Variants in INPP5A observed in about 807,000 individuals in gnomAD.
INPP5A encodes the protein inositol polyphosphate-5-phosphatase A, also known as 43 kDa inositol polyphosphate 5-phophatase.
A neutral mutation model predicts 65.2 loss-of-function variants in INPP5A; 14 were observed. The ratio of observed to expected loss-of-function variants is 0.21; its 90% CI spans 0.14 to 0.34. The LOEUF is 0.34. Ranked by LOEUF, INPP5A falls within the 10% of genes least tolerant of loss-of-function variation. INPP5A has a pLI of 1.00. For synonymous variants in INPP5A, 207 were observed against 208.3 expected (o/e 0.99, Z 0.05); for missense variants, 431 against 545.6 (o/e 0.79, Z 2.09).
intron 14 of INPP5A, among the ~76,000 whole-genome samples, chr10:132,781,505 A>C (rs1048865229): frequency 2.0e-5 from 3 of 152,268 alleles, no homozygotes; most frequent in Non-Finnish European, 4.4e-5. Context: ...TGGACCTGCC[A>C]GGTGCGGCAG....
At chr10:132,584,176 G>T (rs1288785286) in intron 1 of INPP5A, among the ~76,000 whole-genome samples, 1 of 152,218 alleles carries the variant, frequency 6.6e-6, no homozygotes, top group Non-Finnish European at 1.5e-5. Flanking sequence ...TCTTTGCCTT[G>T]CCTCTGTGAT....
At chr10:132,643,733 C>T (rs1456613018) in intron 2 of INPP5A, among the ~76,000 whole-genome samples, 1 of 152,140 alleles carries the variant, frequency 6.6e-6, no homozygotes, top group Admixed American at 6.5e-5. Context: ...AGGCCAGGAG[C>T]TCTGGCATAG....
In INPP5A at chr10:132,706,622, G is replaced by A. The variant is rs1845541033; in HGVS notation, c.475-1691G>A. On this transcript the variant is annotated intron_variant, in intron 6 of 15. Coordinates refer to ENST00000368594, the MANE Select transcript of INPP5A (RefSeq NM_005539.5). This position sits in a 1 kb window ranked among gnomAD's most constrained non-coding sequence, Gnocchi z 4.7. ...AGCATCACCCCCACCAGTGTGTGGGGCTTGGAATTTCCCTTCTTGAGCATG... is the reference window on the plus strand; with the variant it reads ...AGCATCACCCCCACCAGTGTGTGGGACTTGGAATTTCCCTTCTTGAGCATG... Among the ~76,000 whole-genome samples, 1 of 152,220 alleles carries A rather than the reference G, an allele frequency of 6.6e-6. No individual in the cohort carries two copies. The highest frequency in any genetic ancestry group is 2.4e-5 in the African/African-American group (1 of 41,454).
chr10:132,728,198 G>T (rs997314723), intron 9 of INPP5A, among the ~76,000 whole-genome samples: 1 of 152,220 alleles, frequency 6.6e-6, no homozygotes, highest in African/African-American at 2.4e-5. Flanking sequence ...GGCTGTGGAG[G>T]AGGAAGGCAG....
rs139000308 is a variant in INPP5A at position 132,745,301 on chromosome 10, G to A, written c.733-4216G>A. On this transcript the variant is annotated intron_variant, in intron 9 of 15. Coordinates refer to ENST00000368594, the MANE Select transcript of INPP5A (RefSeq NM_005539.5). ...GGGCTGGGGCTGTCCCTGTTGCCAGGCTCTGGCCCTAGGAAGGAGGTTTGT... is the reference window on the plus strand; with the variant it reads ...GGGCTGGGGCTGTCCCTGTTGCCAGACTCTGGCCCTAGGAAGGAGGTTTGT... 2.8e-3 allele frequency among the ~76,000 whole-genome samples: 420 copies of A among 152,330 alleles called. 6 individuals carry two copies. The highest frequency in any genetic ancestry group is 8.5e-3 in the African/African-American group (355 of 41,574).
intron 2 of INPP5A, 71 bp from the exon 3 acceptor site, chr10:132,645,797 G>A: frequency 2.5e-6 from 3 of 1,212,538 alleles, no homozygotes; most frequent in South Asian, 1.3e-5. Context: ...GGGGGCGGTG[G>A]AGGGGGTGGT....
intron 9 of INPP5A, among the ~76,000 whole-genome samples, chr10:132,736,297 G>A (rs760485977): frequency 9.2e-5 from 14 of 152,234 alleles, no homozygotes; most frequent in South Asian, 2.1e-4. Context: ...AGTGCCAGGC[G>A]CACCCGTCTC....
chr10:132,708,229 C>T (rs1845570216), intron 6 of INPP5A, 84 bp from the exon 7 acceptor site: 1 of 1,225,936 alleles, frequency 8.2e-7, no homozygotes, highest in Non-Finnish European at 1.2e-6. Flanking sequence ...GAAAGCATCT[C>T]CTGTGTCCTT....
In INPP5A at chr10:132,644,596, C is replaced by T. The variant is rs1035731608; in HGVS notation, c.118-1272C>T. 6.6e-6 allele frequency among the ~76,000 whole-genome samples: 1 copy of T among 152,246 alleles called. No individual in the cohort carries two copies. Among genetic ancestry groups the T allele is most frequent in the African/African-American group, 2.4e-5 (1 of 41,458 alleles). ...CCGTGTCGTCGTGAGCACCTCCAGG[C>T]TCCCAAGCCCAGCACAGACAGCACC... On this transcript the variant is annotated intron_variant, in intron 2 of 15. Transcript: ENST00000368594. The surrounding 1 kb of genome is among the most constrained non-coding windows in gnomAD (Gnocchi z 6.5).
chr10:132,635,092 G>C (rs181819951), intron 2 of INPP5A, among the ~76,000 whole-genome samples: 2 of 152,196 alleles, frequency 1.3e-5, no homozygotes, highest in Admixed American at 6.5e-5. Flanking sequence ...TTTTGATGGC[G>C]CATATTTGAA....
In INPP5A at chr10:132,545,181, C is replaced by T. The variant is rs1180306970; in HGVS notation, c.75+7010C>T. On this transcript the variant is annotated intron_variant, in intron 1 of 15. Transcript: ENST00000368594. This position sits in a 1 kb window ranked among gnomAD's most constrained non-coding sequence, Gnocchi z 4.6. ...CGCACGGCTCTGGGATGGCTGTGCT[C>T]GGTGGGGGTCTGATTTTGGGGGAAG... Among the ~76,000 whole-genome samples the T allele has an allele frequency of 6.6e-6, 1 of 151,970 alleles. No individual in the cohort carries two copies. The highest frequency in any genetic ancestry group is 6.6e-5 in the Admixed American group (1 of 15,264).
At chr10:132,689,444 G>A (rs1845218692) in intron 4 of INPP5A, among the ~76,000 whole-genome samples, 1 of 152,196 alleles carries the variant, frequency 6.6e-6, no homozygotes, top group Non-Finnish European at 1.5e-5. Context: ...TATGAGATAG[G>A]TTTGTTTGTT....
intron 1 of INPP5A, among the ~76,000 whole-genome samples, chr10:132,568,360 A>G (rs1201553420): frequency 1.1e-4 from 17 of 152,144 alleles, no homozygotes. Flanking sequence ...AGTTGCCCTT[A>G]ATGGCTCCAT....
chr10:132,689,819 T>C (rs1390536151), intron 4 of INPP5A, among the ~76,000 whole-genome samples: 1 of 152,142 alleles, frequency 6.6e-6, no homozygotes, highest in African/African-American at 2.4e-5. Flanking sequence ...GGGATCCCTG[T>C]GCTCTGCAAC....
intron 1 of INPP5A, among the ~76,000 whole-genome samples, chr10:132,577,094 T>C (rs2071419292): frequency 6.6e-6 from 1 of 152,046 alleles, no homozygotes; most frequent in Admixed American, 6.6e-5. Flanking sequence ...GGGTTTTGGC[T>C]GAGGCTCAGC....
At chr10:132,759,670 G>A (rs954015749) in intron 11 of INPP5A, among the ~76,000 whole-genome samples, 2 of 151,298 alleles carry the variant, frequency 1.3e-5, no homozygotes, top group African/African-American at 4.9e-5. Context: ...TCGGGGGTCC[G>A]GCTACAGTGA....
chr10:132,563,776 G>A (rs1337747057), intron 1 of INPP5A, among the ~76,000 whole-genome samples: 2 of 152,180 alleles, frequency 1.3e-5, no homozygotes, highest in Non-Finnish European at 2.9e-5. Flanking sequence ...TTTTCCTTGC[G>A]CTTGCTGGTG....
At chr10:132,665,905 A>G (rs907186416) in intron 4 of INPP5A, among the ~76,000 whole-genome samples, 1 of 152,170 alleles carries the variant, frequency 6.6e-6, no homozygotes, top group African/African-American at 2.4e-5. Flanking sequence ...AAATACAAAA[A>G]TTAGCCAGCT....
chr10:132,688,318 C>G (rs1211482267), intron 4 of INPP5A, among the ~76,000 whole-genome samples: 1 of 152,242 alleles, frequency 6.6e-6, no homozygotes, highest in African/African-American at 2.4e-5. Flanking sequence ...TGTGGTGCAC[C>G]TTCTTGCAGC....
Sources: allele counts gnomAD v4.1 joint callset (sites outside exome capture counted in the v4.1 genomes callset), GRCh38; gene constraint gnomAD v4.1.1; non-coding constraint Gnocchi (gnomAD v3.1); transcripts MANE v1.5; gene names NCBI Gene and HGNC (gene_info 2026-07-23, HGNC 2026-07-21).